COL21A1: variants seen among roughly 807,000 people sequenced by gnomAD.
COL21A1 encodes the protein collagen alpha-1(XXI) chain.
COL21A1 carries 149 observed loss-of-function variants against 137.9 expected under a neutral mutation model. The ratio of observed to expected loss-of-function variants is 1.08; its 90% CI spans 0.95 to 1.24. COL21A1 has a LOEUF of 1.24. Ranked by LOEUF, COL21A1 falls within the 50% of genes most tolerant of loss-of-function variation. The pLI is 0.00. For missense variants in COL21A1, 1,167 were observed against 1,158.4 expected (o/e 1.01, Z -0.11); for synonymous variants, 456 against 391.5 (o/e 1.16, Z -1.95).
chr6:56,145,759 T>C (rs1774782737), intron 10 of COL21A1, among the ~76,000 whole-genome samples: 1 of 152,132 alleles, frequency 6.6e-6, no homozygotes, highest in African/African-American at 2.4e-5. Context: ...TTTGCATTTA[T>C]TAGCAGGTCC....
intron 1 of COL21A1, among the ~76,000 whole-genome samples, chr6:56,285,845 A>G (rs751593075): frequency 2.0e-5 from 3 of 150,726 alleles, no homozygotes; most frequent in Non-Finnish European, 4.4e-5. Context: ...TTTGCAATAA[A>G]TTTTGCTAAT....
intron 1 of COL21A1, among the ~76,000 whole-genome samples, chr6:56,193,563 A>G (rs1778834021): frequency 6.6e-6 from 1 of 152,174 alleles, no homozygotes; most frequent in Non-Finnish European, 1.5e-5. Context: ...GGTAACAGAC[A>G]TAGGCTACAT....
intron 1 of COL21A1, among the ~76,000 whole-genome samples, chr6:56,211,742 C>T (rs1455400858): frequency 6.6e-6 from 1 of 151,912 alleles, no homozygotes; most frequent in African/African-American, 2.4e-5. Flanking sequence ...CTGGGTAAGC[C>T]TCTAAAAATT....
intron 1 of COL21A1, among the ~76,000 whole-genome samples, chr6:56,367,900 G>A (rs1766137742): frequency 6.6e-6 from 1 of 152,130 alleles, no homozygotes; most frequent in Admixed American, 6.5e-5. Context: ...TTTTTGTAGA[G>A]ATGGAGTTTC....
At chr6:56,111,222 T>C (rs944490267) in intron 16 of COL21A1, among the ~76,000 whole-genome samples, 3 of 150,950 alleles carry the variant, frequency 2.0e-5, no homozygotes, top group Non-Finnish European at 2.9e-5. Flanking sequence ...CTGAGTGATA[T>C]TCTACAAAAT....
At chr6:56,123,581 G>A (rs1354054386) in intron 16 of COL21A1, among the ~76,000 whole-genome samples, 1 of 152,140 alleles carries the variant, frequency 6.6e-6, no homozygotes. Flanking sequence ...CTAACTTTAA[G>A]AATATGATGG....
At chr6:56,289,704 T>A (rs1763995885) in intron 1 of COL21A1, among the ~76,000 whole-genome samples, 1 of 151,944 alleles carries the variant, frequency 6.6e-6, no homozygotes, top group African/African-American at 2.4e-5. Context: ...ACCTGGAGAG[T>A]CATTGATTAC....
At chr6:56,070,659 A>G in intron 21 of COL21A1, 86 bp downstream of exon 21, 1 of 878,270 alleles carries the variant, frequency 1.1e-6, no homozygotes, top group Non-Finnish European at 1.7e-6. Flanking sequence ...ATCTCTTCAG[A>G]GATATAAAAT....
At chr6:56,319,304 AACTG>A (rs1293720471) in intron 1 of COL21A1, among the ~76,000 whole-genome samples, 7 of 152,030 alleles carry the variant, frequency 4.6e-5, no homozygotes, top group Non-Finnish European at 8.8e-5. Flanking sequence ...GGTGGAAAAA[AACTG>A]CAGGTGGCCT....
At chr6:56,123,264 C>T (rs62412811) in intron 16 of COL21A1, among the ~76,000 whole-genome samples, 22,859 of 152,178 alleles carry the variant, frequency 0.15, 1,748 homozygotes, top group Middle Eastern at 0.22. Context: ...TTAAAATGGG[C>T]TCCCATATTT....
chr6:56,311,721 T>C (rs901884151), intron 1 of COL21A1, among the ~76,000 whole-genome samples: 1 of 152,228 alleles, frequency 6.6e-6, no homozygotes, highest in Non-Finnish European at 1.5e-5. Context: ...GAAACACTTC[T>C]TGGGACCCAT....
Position 56,057,761 on chromosome 6 carries a change from GT to G in COL21A1, c.2769del (p.Lys923AsnfsTer22). 1 of 1,611,020 alleles carries G rather than the reference GT, an allele frequency of 6.2e-7. No homozygotes were observed. On this transcript the variant is annotated frameshift_variant, in exon 30 of 30. Transcript: ENST00000244728. LOFTEE classifies it high-confidence loss of function. ...GGGCCTGGTTGCCCTTGGATTCCAG[GT>G]TTTCCATGGTCTCCATCTTTGCCAG... Reference protein sequence around the residue: ...GLPGKDGDHGKPGIQGQPGPP... With the variant: ...GLPGKDGDHGXPGIQGQPGPP...
intron 1 of COL21A1, among the ~76,000 whole-genome samples, chr6:56,338,356 ACT>A (rs2152344727): frequency 6.6e-6 from 1 of 151,570 alleles, no homozygotes; most frequent in Non-Finnish European, 1.5e-5. Context: ...TGGCTGTCAT[ACT>A]CTCTAGAAGG....
At chr6:56,365,506 G>A (rs976944645) in intron 1 of COL21A1, among the ~76,000 whole-genome samples, 17 of 151,318 alleles carry the variant, frequency 1.1e-4, no homozygotes, top group Admixed American at 5.3e-4. Flanking sequence ...CTTTTTTTTC[G>A]TGGTTTTGCT....
chr6:56,183,920 C>T (rs866946782), intron 1 of COL21A1, among the ~76,000 whole-genome samples: 6 of 151,978 alleles, frequency 3.9e-5, no homozygotes, highest in Admixed American at 2.0e-4. Context: ...GTTTATGCAA[C>T]GGGTTTACCT....
At chr6:56,097,254 A>C (rs1164155224) in intron 17 of COL21A1, among the ~76,000 whole-genome samples, 1 of 152,114 alleles carries the variant, frequency 6.6e-6, no homozygotes, top group East Asian at 1.9e-4. Context: ...ATTGGGCTGG[A>C]GTGGGAGAGT....
chr6:56,320,054 G>A (rs995738158), intron 1 of COL21A1, among the ~76,000 whole-genome samples: 6 of 152,080 alleles, frequency 3.9e-5, no homozygotes, highest in Middle Eastern at 3.4e-3. Context: ...CCTCTACTTG[G>A]ATACTTAATA....
At chr6:56,198,451 T>G (rs1296736599) in intron 1 of COL21A1, among the ~76,000 whole-genome samples, 1 of 152,150 alleles carries the variant, frequency 6.6e-6, no homozygotes, top group Non-Finnish European at 1.5e-5. Context: ...TGTATACTTA[T>G]ATCACATCAT....
chr6:56,106,334 A>C (rs1770886979), intron 16 of COL21A1, among the ~76,000 whole-genome samples: 1 of 151,994 alleles, frequency 6.6e-6, no homozygotes, highest in Admixed American at 6.6e-5. Context: ...ATTCCTTACA[A>C]CTCTGTTCTA....
Sources: allele counts gnomAD v4.1 joint callset (sites outside exome capture counted in the v4.1 genomes callset), GRCh38; gene constraint gnomAD v4.1.1; transcripts MANE v1.5; gene names NCBI Gene and HGNC (gene_info 2026-07-23, HGNC 2026-07-21).